Variants in PDE1C observed in about 807,000 individuals in gnomAD.
The protein encoded by PDE1C is phosphodiesterase 1C.
In PDE1C, 62 loss-of-function variants were observed where a neutral mutation model predicts 93.1. The observed-to-expected ratio is 0.67, with a 90% confidence interval of 0.54 to 0.82. The LOEUF (loss-of-function observed/expected upper bound fraction) is 0.82. PDE1C is among the 40% of genes least tolerant of loss of function. The probability of loss-of-function intolerance (pLI) is 0.00; values close to 1 mark genes in which losing one functional copy is unlikely to be tolerated. For synonymous variants in PDE1C, 325 were observed against 310.1 expected, an observed-to-expected ratio of 1.05 and a Z score of -0.50; for missense variants, 742 against 884.6, an observed-to-expected ratio of 0.84 and a Z score of 2.04.
upstream of PDE1C, chr7:32,071,085 C>T: frequency 1.0e-6 from 1 of 985,376 alleles, no homozygotes; most frequent in Non-Finnish European, 1.2e-6. Context: ...GAGGGGCGCG[C>T]GGGCACCGCC....
chr7:31,834,913 A>G (rs143355851), intron 11 of PDE1C, among the ~76,000 whole-genome samples: 2,136 of 152,140 alleles, frequency 0.014, 22 homozygotes, highest in Non-Finnish European at 0.023. Flanking sequence ...CTTAAATTGT[A>G]GCTCCCATAA....
At chr7:31,697,378 G>A in the PDE1C span, among the ~76,000 whole-genome samples, 1,156 of 152,268 alleles carry the variant, frequency 7.6e-3, 10 homozygotes, top group African/African-American at 0.026. Flanking sequence ...CTGAGCCAAC[G>A]GAATAGAAAT....
intron 1 of PDE1C, among the ~76,000 whole-genome samples, chr7:32,059,348 C>T (rs1367606532): frequency 6.6e-6 from 1 of 152,092 alleles, no homozygotes; most frequent in Admixed American, 6.5e-5. Flanking sequence ...CTAGTGCTGG[C>T]CAGGCAGTGG....
At chr7:31,819,545 T>C (rs750334325) in intron 14 of PDE1C, among the ~76,000 whole-genome samples, 1 of 152,124 alleles carries the variant, frequency 6.6e-6, no homozygotes, top group Non-Finnish European at 1.5e-5. Flanking sequence ...TTCATTTCTG[T>C]TTCCTTTGGC....
At chr7:32,188,590 C>G (rs1804033070) in intron 2 of PDE1C, among the ~76,000 whole-genome samples, 1 of 152,070 alleles carries the variant, frequency 6.6e-6, no homozygotes, top group Non-Finnish European at 1.5e-5. Flanking sequence ...TGTTTCTCTT[C>G]TTATGTCTTT....
intron 3 of PDE1C, among the ~76,000 whole-genome samples, chr7:32,159,587 TCTTTA>T (rs1464311008): frequency 6.6e-6 from 1 of 152,174 alleles, no homozygotes; most frequent in Non-Finnish European, 1.5e-5. Context: ...CCAATCTGTC[TCTTTA>T]CTTCATCCAC....
chr7:31,930,704 C>A (rs1047179368), intron 2 of PDE1C, among the ~76,000 whole-genome samples: 2 of 151,602 alleles, frequency 1.3e-5, no homozygotes, highest in Non-Finnish European at 2.9e-5. Flanking sequence ...ATAATAATAG[C>A]CAGGCATGGT....
At chr7:32,070,942 C>G, upstream of PDE1C, 1 of 985,344 alleles carries the variant, frequency 1.0e-6, no homozygotes, top group Non-Finnish European at 1.2e-6. Flanking sequence ...TCCCTGGCCG[C>G]GCCTGCCTTC....
At chr7:31,712,226 G>C in the PDE1C span, among the ~76,000 whole-genome samples, 1 of 152,116 alleles carries the variant, frequency 6.6e-6, no homozygotes, top group South Asian at 2.1e-4. Flanking sequence ...CTTGTCCTTT[G>C]TACCTGGCAT....
the PDE1C span, among the ~76,000 whole-genome samples, chr7:31,633,076 A>G: frequency 2.0e-5 from 3 of 151,912 alleles, no homozygotes; most frequent in African/African-American, 4.8e-5. Flanking sequence ...TAGTAAAGAC[A>G]GGGTTTCACC....
chr7:32,212,685 T>G (rs148538705), intron 1 of PDE1C, among the ~76,000 whole-genome samples: 163 of 152,246 alleles, frequency 1.1e-3, no homozygotes, highest in African/African-American at 3.9e-3. Context: ...GGTGTACTCC[T>G]CCCTCATCTT....
At chr7:32,144,628 T>C (rs1433789573) in intron 3 of PDE1C, among the ~76,000 whole-genome samples, 1 of 152,086 alleles carries the variant, frequency 6.6e-6, no homozygotes, top group East Asian at 1.9e-4. Context: ...GCATGCTGAG[T>C]AGGAAACAAA....
chr7:31,955,462 G>C (rs144575486), intron 2 of PDE1C, among the ~76,000 whole-genome samples: 205 of 152,242 alleles, frequency 1.3e-3, no homozygotes, highest in African/African-American at 4.7e-3. Context: ...TTAAATATGA[G>C]CTAATCTTAT....
chr7:32,270,638 C>T (rs1487536655), intron 1 of PDE1C, among the ~76,000 whole-genome samples: 1 of 152,086 alleles, frequency 6.6e-6, no homozygotes. Context: ...GGCCTAGAGG[C>T]CCAAGGCGCC....
intron 2 of PDE1C, among the ~76,000 whole-genome samples, chr7:32,002,008 G>T (rs891055802): frequency 2.6e-5 from 4 of 152,124 alleles, no homozygotes; most frequent in African/African-American, 4.8e-5. Context: ...GCAGTGAGCT[G>T]AGATCGTGCC....
intron 2 of PDE1C, among the ~76,000 whole-genome samples, chr7:31,909,572 C>T (rs1800984378): frequency 1.3e-5 from 2 of 152,252 alleles, no homozygotes; most frequent in South Asian, 4.1e-4. Context: ...GAGATGCATT[C>T]ATTTCCTCAT....
chr7:32,313,951 A>G (rs1384328138), intron 1 of PDE1C, among the ~76,000 whole-genome samples: 1 of 152,106 alleles, frequency 6.6e-6, no homozygotes, highest in Non-Finnish European at 1.5e-5. Context: ...CCCAAATGTG[A>G]AACCAAAAAC....
chr7:32,088,752 C>G (rs1797282962), intron 3 of PDE1C, among the ~76,000 whole-genome samples: 1 of 116,550 alleles, frequency 8.6e-6, no homozygotes, highest in Non-Finnish European at 1.9e-5. Flanking sequence ...GTGAGCCACC[C>G]GTGAAATGGT....
intron 15 of PDE1C, among the ~76,000 whole-genome samples, chr7:31,809,527 C>T (rs1478679851): frequency 1.3e-5 from 2 of 151,976 alleles, no homozygotes; most frequent in African/African-American, 4.8e-5. Context: ...AGGCATATCA[C>T]TCAATACAGT....
Sources: allele counts gnomAD v4.1 joint callset (sites outside exome capture counted in the v4.1 genomes callset), GRCh38; gene constraint gnomAD v4.1.1; transcripts MANE v1.5; gene names NCBI Gene and HGNC (gene_info 2026-07-23, HGNC 2026-07-21).